Variants in ADGRL3 observed in about 807,000 individuals in gnomAD.
The protein encoded by ADGRL3 is adhesion G protein-coupled receptor L3.
Under a neutral mutation model 153.5 loss-of-function variants are expected in ADGRL3, and 62 were observed. That is an observed-to-expected ratio of 0.40 (90% CI 0.33 to 0.50). ADGRL3 has a LOEUF of 0.50. ADGRL3 is among the 20% of genes least tolerant of loss of function. The pLI, the probability that ADGRL3 is intolerant of heterozygous loss-of-function variation, is 0.47. For missense variants in ADGRL3, 1,641 were observed against 1,859.4 expected (o/e 0.88, Z 2.16); for synonymous variants, 710 against 672.5 (o/e 1.06, Z -0.86).
chr4:61,341,525 T>TTA lies in ADGRL3; in HGVS notation c.-239-41588_-239-41587dup, dbSNP rs1030743657. Among the ~76,000 whole-genome samples the TTA allele has an allele frequency of 1.3e-4, 19 of 150,972 alleles. No individual in the cohort carries two copies. In the East Asian group the frequency reaches 1.7e-3, roughly 14 times the overall value. On this transcript the variant is annotated intron_variant, in intron 1 of 26. Transcript: ENST00000683033. ...ATGGGGCATCATATATATATATTTA[T>TTA]TATATATATATACACACACATTTAT... is the stretch of plus-strand genomic sequence containing the variant.
intron 1 of ADGRL3, among the ~76,000 whole-genome samples, chr4:61,325,775 A>G (rs2095451986): frequency 6.6e-6 from 1 of 152,242 alleles, no homozygotes; most frequent in Non-Finnish European, 1.5e-5. Flanking sequence ...TGTTTAATAA[A>G]GTAATCAAAT....
At chr4:61,623,046 T>TAAATA (rs2092623234) in intron 5 of ADGRL3, among the ~76,000 whole-genome samples, 40 of 152,030 alleles carry the variant, frequency 2.6e-4, no homozygotes, top group Non-Finnish European at 1.0e-4. Flanking sequence ...AAATAGAAAA[T>TAAATA]GGTTTTGAAA....
intron 1 of ADGRL3, among the ~76,000 whole-genome samples, chr4:61,267,582 C>G (rs1282081895): frequency 6.6e-6 from 1 of 151,660 alleles, no homozygotes; most frequent in Non-Finnish European, 1.5e-5. Context: ...TGAACATTTA[C>G]TGTGAATTGA....
intron 1 of ADGRL3, among the ~76,000 whole-genome samples, chr4:61,295,619 T>C (rs1161865082): frequency 1.3e-5 from 2 of 152,082 alleles, no homozygotes; most frequent in African/African-American, 4.8e-5. Flanking sequence ...TCAAATCTCC[T>C]ATAAAACAAT....
intron 8 of ADGRL3, among the ~76,000 whole-genome samples, chr4:61,784,215 A>T (rs2097251033): frequency 6.6e-6 from 1 of 152,178 alleles, no homozygotes. Flanking sequence ...CGAATAGACC[A>T]GATGATAAAA....
At chr4:61,774,368 AAAAG>A (rs931016986) in intron 8 of ADGRL3, among the ~76,000 whole-genome samples, 3 of 147,904 alleles carry the variant, frequency 2.0e-5, no homozygotes, top group East Asian at 2.0e-4. Flanking sequence ...AAAAAAAAAA[AAAAG>A]AAAGAAAAAG....
chr4:61,813,138 T>C (rs2097649460), intron 8 of ADGRL3, among the ~76,000 whole-genome samples: 1 of 152,154 alleles, frequency 6.6e-6, no homozygotes, highest in African/African-American at 2.4e-5. Flanking sequence ...CTCAAGTCTG[T>C]AATCCCAGCA....
intron 4 of ADGRL3, among the ~76,000 whole-genome samples, chr4:61,562,144 T>G (rs2098797573): frequency 6.6e-6 from 1 of 152,202 alleles, no homozygotes; most frequent in South Asian, 2.1e-4. Context: ...TTCTGTAGCC[T>G]ATTAGGTGTG....
intron 6 of ADGRL3, among the ~76,000 whole-genome samples, chr4:61,718,828 A>G (rs920983154): frequency 6.6e-6 from 1 of 152,312 alleles, no homozygotes; most frequent in East Asian, 1.9e-4. Flanking sequence ...AATAGATTAT[A>G]AAGTATGTTG....
chr4:61,871,694 C>T (rs1823535), intron 9 of ADGRL3, among the ~76,000 whole-genome samples: 118,998 of 152,142 alleles, frequency 0.78, 46,842 homozygotes, highest in South Asian at 0.84. Flanking sequence ...ATTTGTTATA[C>T]GCACAATTCT....
At chr4:61,840,838 A>C (rs961970109) in intron 9 of ADGRL3, among the ~76,000 whole-genome samples, 1 of 152,140 alleles carries the variant, frequency 6.6e-6, no homozygotes, top group East Asian at 1.9e-4. Context: ...TACTGGGGGA[A>C]AGTTTCCTTC....
intron 5 of ADGRL3, among the ~76,000 whole-genome samples, chr4:61,641,529 A>T (rs1359662712): frequency 6.7e-6 from 1 of 148,642 alleles, no homozygotes; most frequent in African/African-American, 2.5e-5. Flanking sequence ...GAGTGAGAAT[A>T]TGCAGTGTTT....
rs142742030 is a variant in ADGRL3 at position 61,893,302 on chromosome 4, C to T, written c.1783+344C>T. 2.9e-3 allele frequency among the ~76,000 whole-genome samples: 434 copies of T among 152,218 alleles called. 2 individuals are homozygous for T. The highest frequency in any genetic ancestry group is 0.02 in the Middle Eastern group (6 of 294). ...TCACAGGTAACCTGTGAGACCTGCA[C>T]TTTGCCCTCATAGTTTCAGGTCTCT... On this transcript the variant is annotated intron_variant, in intron 10 of 26. Transcript: ENST00000683033.
At chr4:61,347,553 C>G (rs1363168224) in intron 1 of ADGRL3, among the ~76,000 whole-genome samples, 2 of 152,070 alleles carry the variant, frequency 1.3e-5, no homozygotes, top group African/African-American at 2.4e-5. Flanking sequence ...CGTTAACCCC[C>G]CTTCCCTCTG....
At chr4:62,014,437 G>C (rs1211636652) in intron 21 of ADGRL3, among the ~76,000 whole-genome samples, 1 of 152,122 alleles carries the variant, frequency 6.6e-6, no homozygotes, top group Non-Finnish European at 1.5e-5. Flanking sequence ...AAATTAGTTG[G>C]TCTAGGAAGT....
At chr4:61,253,675 G>A (rs2091677116) in intron 1 of ADGRL3, among the ~76,000 whole-genome samples, 1 of 135,704 alleles carries the variant, frequency 7.4e-6, no homozygotes, top group Non-Finnish European at 1.6e-5. Context: ...GCACAACTTT[G>A]TTTGTATGTT....
intron 4 of ADGRL3, among the ~76,000 whole-genome samples, chr4:61,561,641 C>T (rs2098795526): frequency 6.6e-6 from 1 of 152,012 alleles, no homozygotes; most frequent in African/African-American, 2.4e-5. Flanking sequence ...ATAGAGAAAA[C>T]AAATATTTTC....
At chr4:61,553,425 A>G (rs1168612262) in intron 4 of ADGRL3, among the ~76,000 whole-genome samples, 2 of 152,224 alleles carry the variant, frequency 1.3e-5, no homozygotes, top group African/African-American at 4.8e-5. Flanking sequence ...CTTGAGTTCG[A>G]TAAAATAATA....
At chr4:61,683,331 G>A (rs2095377340) in intron 6 of ADGRL3, among the ~76,000 whole-genome samples, 1 of 152,022 alleles carries the variant, frequency 6.6e-6, no homozygotes, top group Non-Finnish European at 1.5e-5. Flanking sequence ...TGGTCTTTCT[G>A]CTCTTTAGCT....
Sources: allele counts gnomAD v4.1 joint callset (sites outside exome capture counted in the v4.1 genomes callset), GRCh38; gene constraint gnomAD v4.1.1; transcripts MANE v1.5; gene names NCBI Gene and HGNC (gene_info 2026-07-23, HGNC 2026-07-21).